The following ZC3H18 variants were observed in gnomAD, a reference collection of about 807,000 sequenced individuals.
ZC3H18 encodes zinc finger CCCH domain-containing protein 18.
A neutral mutation model predicts 106.1 loss-of-function variants in ZC3H18; 8 were observed. That is an observed-to-expected ratio of 0.08 (90% CI 0.04 to 0.14). ZC3H18 has a LOEUF of 0.14. Among genes scored for constraint, ZC3H18 ranks in the 10% least tolerant of loss-of-function variants. The pLI is 1.00. For missense variants in ZC3H18, 1,318 were observed against 1,278.4 expected, an observed-to-expected ratio of 1.03 and a Z score of -0.47; for synonymous variants, 635 against 522.1, an observed-to-expected ratio of 1.22 and a Z score of -2.95.
intron 4 of ZC3H18, 122 bp from the exon 5 acceptor site, chr16:88,598,498 T>C (rs909491288): frequency 1.9e-5 from 27 of 1,444,298 alleles, no homozygotes; most frequent in African/African-American, 2.8e-5. Context: ...GAGTGAGGCT[T>C]GGTGGAAGGA....
chr16:88,627,538 C>A lies in ZC3H18; in HGVS notation c.2109-84C>A. The stretch of plus-strand genomic sequence containing the variant: ...GTACATGATCCATAAATGGACACTG[C>A]GTAAAAGTGGACCATGGAGCACCCC... On this transcript the variant is annotated intron_variant, in intron 13 of 17. Transcript: ENST00000301011. This position sits in a 1 kb window ranked among gnomAD's most constrained non-coding sequence, Gnocchi z 4.5. 1 of 1,510,998 alleles carries A rather than the reference C, an allele frequency of 6.6e-7. No homozygotes were observed. Among genetic ancestry groups the A allele is most frequent in the Non-Finnish European group, 8.9e-7 (1 of 1,119,990 alleles). 93.6% of individuals were successfully genotyped at this position (1,510,998 alleles called of 1,614,324 possible).
chr16:88,619,580 G>A (rs1905832709), intron 8 of ZC3H18, among the ~76,000 whole-genome samples: 2 of 152,224 alleles, frequency 1.3e-5, no homozygotes, highest in African/African-American at 4.8e-5. Flanking sequence ...GAGGGAATGA[G>A]CAGCTCTTTC....
In ZC3H18 at chr16:88,624,008, A is replaced by G. The variant is rs756777563; in HGVS notation, c.1844A>G (p.His615Arg). 5 of 1,613,574 alleles carry G rather than the reference A, an allele frequency of 3.1e-6. No individual in the cohort carries two copies. The East Asian group carries it at 6.7e-5, about 22-fold the overall frequency. Residue 615 changes from histidine to arginine, a missense_variant, in exon 11 of 18, where the codon CAT becomes CGT. His to Arg is a conservative substitution (Grantham distance 29). Coordinates refer to ENST00000301011, the MANE Select transcript of ZC3H18 (RefSeq NM_144604.4). ...TCCCCGTCCCCAACACCTTCCCCAC[A>G]TAGACCTTCCATCAGAACCAAGGGA... ...SPSPSPTPSPHRPSIRTKGEP... is the reference protein window; with the variant it reads ...SPSPSPTPSPRRPSIRTKGEP...
Position 88,627,974 on chromosome 16 carries a change from C to A in ZC3H18, c.2324C>A (p.Ser775Tyr). 1 of 1,614,162 alleles carries A rather than the reference C, an allele frequency of 6.2e-7. No homozygotes were observed. Among genetic ancestry groups the A allele is most frequent in the Non-Finnish European group, 8.5e-7 (1 of 1,180,046 alleles). ...GAGGAAAAGCGGAAAAGGGATTCGTCCACACAACCACCCAAATCTGCAAAA... is the reference window on the plus strand; with the variant it reads ...GAGGAAAAGCGGAAAAGGGATTCGTACACACAACCACCCAAATCTGCAAAA... ...VKEEKRKRDS[S>Y]TQPPKSAKPP... The change falls in exon 15 of 18, where the codon TCC (serine) becomes TAC (tyrosine). Residue 775 changes from serine (S) to tyrosine (Y), a missense_variant. By Grantham distance (144) the Ser-to-Tyr change is moderately radical. This residue lies in a region of ZC3H18 where 848 missense variants were observed against 821.7 expected (regional missense o/e 1.03). Coordinates refer to ENST00000301011, the MANE Select transcript of ZC3H18 (RefSeq NM_144604.4). The surrounding 1 kb of genome is among the most constrained non-coding windows in gnomAD (Gnocchi z 4.5).
At chr16:88,570,878 C>CA (rs1485383305) in intron 1 of ZC3H18, among the ~76,000 whole-genome samples, 1 of 152,252 alleles carries the variant, frequency 6.6e-6, no homozygotes, top group African/African-American at 2.4e-5. Flanking sequence ...TCTTCCGGGC[C>CA]ACTCGCGTGG....
chr16:88,624,523 TGG>T (rs1346435931), intron 11 of ZC3H18, 77 bp from the exon 12 acceptor site: 25 of 1,605,778 alleles, frequency 1.6e-5, no homozygotes, highest in Non-Finnish European at 2.1e-5. Context: ...CCCCGAGCTG[TGG>T]GTCCATTGAA....
chr16:88,602,105 G>A (rs1369287617), intron 6 of ZC3H18, among the ~76,000 whole-genome samples: 1 of 152,202 alleles, frequency 6.6e-6, no homozygotes, highest in Non-Finnish European at 1.5e-5. Context: ...CGTGCTGTTG[G>A]CAGGAGTGGG....
intron 6 of ZC3H18, among the ~76,000 whole-genome samples, chr16:88,605,906 A>G (rs1212421249): frequency 6.6e-6 from 1 of 152,216 alleles, no homozygotes; most frequent in East Asian, 1.9e-4. Context: ...TCTCCTCTCC[A>G]GCGAGGAGTA....
chr16:88,581,298 T>A (rs187208340), intron 2 of ZC3H18, among the ~76,000 whole-genome samples: 248 of 152,350 alleles, frequency 1.6e-3, no homozygotes, highest in Non-Finnish European at 2.5e-3. Flanking sequence ...TGATTTATCA[T>A]TCTTTTTCAG....
In ZC3H18 at chr16:88,627,473, G is replaced by A; in HGVS notation, c.2109-149G>A. ...GGGACGTCCCTTACTTTGTAACCCT[G>A]AAACTGCCCAGTGTCCCCCCAAAAT... On this transcript the variant is annotated intron_variant, in intron 13 of 17. Coordinates refer to ENST00000301011, the MANE Select transcript of ZC3H18 (RefSeq NM_144604.4). This position sits in a 1 kb window ranked among gnomAD's most constrained non-coding sequence, Gnocchi z 4.5. 9.0e-7 allele frequency: 1 copy of A among 1,108,844 alleles called. No homozygotes were observed. Among genetic ancestry groups the A allele is most frequent in the Non-Finnish European group, 1.3e-6 (1 of 789,906 alleles). 68.7% of individuals were successfully genotyped at this position (1,108,844 alleles called of 1,614,324 possible).
rs1244320311 is a variant in ZC3H18 at position 88,627,517 on chromosome 16, A to G, written c.2109-105A>G. Reference sequence around the variant, plus strand: ...CCAAAATCACACATTCCGTGGGTACATGATCCATAAATGGACACTGCGTAA... The same window carrying G: ...CCAAAATCACACATTCCGTGGGTACGTGATCCATAAATGGACACTGCGTAA... On this transcript the variant is annotated intron_variant, in intron 13 of 17. Transcript: ENST00000301011. The surrounding 1 kb of genome is among the most constrained non-coding windows in gnomAD (Gnocchi z 4.5). 3.4e-6 allele frequency: 5 copies of G among 1,454,958 alleles called. No homozygotes were observed. In the Admixed American group the frequency reaches 1.1e-4, roughly 32 times the overall value. 90.1% of individuals were successfully genotyped at this position (1,454,958 alleles called of 1,614,324 possible). A position where few individuals can be genotyped will look rare whatever the true frequency, so the allele number is the denominator to read the frequency against.
At chr16:88,578,587 T>C (rs1200104698) in intron 2 of ZC3H18, among the ~76,000 whole-genome samples, 1 of 152,048 alleles carries the variant, frequency 6.6e-6, no homozygotes. Context: ...GGGGAGTCAT[T>C]GCGGTGAAGA....
Position 88,611,346 on chromosome 16 carries a change from C to T in ZC3H18, c.1285C>T (p.Arg429Cys), listed in dbSNP as rs1245880070. 1.2e-5 allele frequency: 10 copies of T among 826,570 alleles called. No individual in the cohort carries two copies. The highest frequency in any genetic ancestry group is 2.0e-5 in the Admixed American group (1 of 49,976). The allele number at this position is 826,570 out of a possible 1,614,324, so 51.2% of individuals were successfully genotyped here. The change falls in exon 8 of 18, where the codon CGC becomes TGC. Residue 429 changes from arginine (R) to cysteine (C), a missense_variant. This residue lies in a region of ZC3H18 where 848 missense variants were observed against 821.7 expected (regional missense o/e 1.03). Coordinates refer to ENST00000301011, the MANE Select transcript of ZC3H18 (RefSeq NM_144604.4). ...RERERDRERE[R>C]RQRERERERE... ...GCGGGAGCGGGACCGAGAGCGGGAG[C>T]GCCGGCAGAGGGAGCGCGAGCGAGA...
intron 3 of ZC3H18, among the ~76,000 whole-genome samples, chr16:88,588,967 G>T (rs1024454527): frequency 6.6e-6 from 1 of 152,106 alleles, no homozygotes; most frequent in African/African-American, 2.4e-5. Context: ...TTTCAGAAGT[G>T]TTTTTATTCT....
rs1312610653 is a variant in ZC3H18, at chr16:88,611,247, G to A, written c.1207-21G>A. 4 of 758,842 alleles carry A rather than the reference G, an allele frequency of 5.3e-6. No individual in the cohort carries two copies. The African/African-American group carries it at 6.9e-5, about 13-fold the overall frequency. The allele number at this position is 758,842 out of a possible 1,614,324, so 47.0% of individuals were successfully genotyped here. ...CCCAAATAACGCACGGTGTCCCCAT[G>A]TGTTTGGCTTTTTAACAAAGGAAAG... is the stretch of plus-strand genomic sequence containing the variant. On this transcript the variant is annotated intron_variant, in intron 7 of 17. Transcript: ENST00000301011.
intron 3 of ZC3H18, among the ~76,000 whole-genome samples, chr16:88,590,837 G>T (rs1915708754): frequency 6.6e-6 from 1 of 151,996 alleles, no homozygotes; most frequent in Non-Finnish European, 1.5e-5. Flanking sequence ...TGGGATTACA[G>T]GTGTGAGCCA....
At chr16:88,574,484 C>T (rs1440089624) in intron 1 of ZC3H18, among the ~76,000 whole-genome samples, 3 of 151,812 alleles carry the variant, frequency 2.0e-5, no homozygotes, top group African/African-American at 7.3e-5. Flanking sequence ...GCTAGGATTA[C>T]AGACGCGAGC....
At position 88,598,262 on chromosome 16, in the gene ZC3H18, A is replaced by G. The variant is rs754008685; in HGVS notation, c.773A>G (p.Asp258Gly). The change falls in exon 4 of 18, where the codon GAC becomes GGC. Residue 258 changes from aspartate to glycine, a missense_variant. Physicochemically the swap from Asp to Gly is moderately conservative, Grantham distance 94 (BLOSUM62 -1). Coordinates refer to ENST00000301011, the MANE Select transcript of ZC3H18 (RefSeq NM_144604.4). ...KGNYSLITKADPFPPNGAPPL... is the reference protein window; with the variant it reads ...KGNYSLITKAGPFPPNGAPPL... The stretch of plus-strand genomic sequence containing the variant: ...AACTACTCCCTAATCACCAAAGCCG[A>G]CCCCTTCCCGCCTAATGGTGCCCCG... 108 of 1,611,314 alleles carry G rather than the reference A, an allele frequency of 6.7e-5. No individual in the cohort carries two copies. The highest frequency in any genetic ancestry group is 8.7e-5 in the Non-Finnish European group (103 of 1,179,102).
intron 2 of ZC3H18, among the ~76,000 whole-genome samples, chr16:88,585,245 A>G (rs929070250): frequency 1.3e-5 from 2 of 152,252 alleles, no homozygotes; most frequent in Non-Finnish European, 2.9e-5. Flanking sequence ...TCCTTATAAA[A>G]TACTTTTTAA....
Sources: gnomAD v4.1 joint callset for allele counts (sites outside exome capture counted in the v4.1 genomes callset) on GRCh38, gnomAD v4.1.1 for gene constraint, gnomAD v4.1.1 regional missense constraint, Gnocchi (gnomAD v3.1) non-coding constraint, MANE v1.5 for transcripts, NCBI Gene and HGNC (gene_info 2026-07-23, HGNC 2026-07-21) for gene names.